The following SNUPN variants were observed in gnomAD, a reference collection of about 807,000 sequenced individuals.
The protein encoded by SNUPN is snurportin 1.
SNUPN carries 31 observed loss-of-function variants against 39.2 expected under a neutral mutation model. That is an observed-to-expected ratio of 0.79 (90% confidence interval 0.59 to 1.07). SNUPN has a LOEUF of 1.07. SNUPN is among the 50% of genes least tolerant of loss of function. The probability of loss-of-function intolerance (pLI) is 0.00; values close to 1 mark genes in which losing one functional copy is unlikely to be tolerated. For synonymous variants in SNUPN, 132 were observed against 159.0 expected, an observed-to-expected ratio of 0.83 and a Z score of 1.28; for missense variants, 382 against 434.2, an observed-to-expected ratio of 0.88 and a Z score of 1.07.
intron 1 of SNUPN, chr15:75,625,284 C>T (rs1265125735): frequency 6.8e-6 from 1 of 147,998 alleles, no homozygotes; most frequent in Admixed American, 6.8e-5. Context: ...ATCCGGCGCC[C>T]CCGCCTCGCG....
At chr15:75,603,912 T>C (rs1278689363) in intron 7 of SNUPN, among the ~76,000 whole-genome samples, 1 of 152,160 alleles carries the variant, frequency 6.6e-6, no homozygotes, top group Non-Finnish European at 1.5e-5. Context: ...CTGCCAATCA[T>C]TTAACCTCCA....
In SNUPN at chr15:75,598,439, A is replaced by C; in HGVS notation, c.1002T>G (p.Tyr334Ter). 1 of 1,614,226 alleles carries C rather than the reference A, an allele frequency of 6.2e-7. No homozygotes were observed. The highest frequency in any genetic ancestry group is 8.5e-7 in the Non-Finnish European group (1 of 1,180,046). Residue 334 changes from tyrosine to a stop codon, truncating the protein, a stop_gained, in exon 9 of 9, where the codon TAT (tyrosine) becomes TAG (stop). Coordinates refer to ENST00000308588, the MANE Select transcript of SNUPN (RefSeq NM_005701.4). LOFTEE classifies it low-confidence loss of function (END_TRUNC). ...TGGGAGTAGACAGGTGCTCCAATTC[A>C]TAGTGCCCATTCTCAGAGGCCTTGT... ...LTHKASENGH[Y>*]ELEHLSTPKL...
intron 1 of SNUPN, among the ~76,000 whole-genome samples, chr15:75,622,820 A>C (rs1893105976): frequency 6.6e-6 from 1 of 152,132 alleles, no homozygotes; most frequent in Non-Finnish European, 1.5e-5. Flanking sequence ...GAAACATTAG[A>C]TTTTGTTTAA....
chr15:75,619,367 C>A (rs972732635), intron 2 of SNUPN, among the ~76,000 whole-genome samples: 1 of 151,804 alleles, frequency 6.6e-6, no homozygotes, highest in Non-Finnish European at 1.5e-5. Context: ...AAGGGCCAGG[C>A]GTAGTGGCTG....
intron 5 of SNUPN, among the ~76,000 whole-genome samples, chr15:75,609,222 G>A (rs1386801773): frequency 5.9e-5 from 7 of 118,118 alleles, no homozygotes; most frequent in South Asian, 2.6e-4. Context: ...TCGCTCTGTC[G>A]CCCAGGCCGG....
intron 8 of SNUPN, 162 bp downstream of exon 8, chr15:75,600,976 A>C (rs1197543884): frequency 6.7e-6 from 4 of 600,258 alleles, no homozygotes; most frequent in Non-Finnish European, 1.2e-5. Flanking sequence ...GGTGGAGCTC[A>C]GGCTCTGAAG....
chr15:75,621,178 A>G (rs1289942872), intron 1 of SNUPN, 122 bp from the exon 2 acceptor site: 9 of 883,270 alleles, frequency 1.0e-5, no homozygotes, highest in Non-Finnish European at 1.4e-5. Context: ...ATGCAAAATC[A>G]CAAGTGTTTC....
At chr15:75,607,083 A>G (rs1413471395) in intron 6 of SNUPN, 133 bp downstream of exon 6, 2 of 711,626 alleles carry the variant, frequency 2.8e-6, no homozygotes, top group Admixed American at 3.9e-5. Context: ...AGGGAGCATT[A>G]GATAATGTTC....
chr15:75,614,753 A>T (rs1892882470), intron 3 of SNUPN, among the ~76,000 whole-genome samples: 1 of 152,214 alleles, frequency 6.6e-6, no homozygotes, highest in Admixed American at 6.6e-5. Flanking sequence ...AAATAGGCAA[A>T]TTGTATGGTA....
At chr15:75,602,666 CA>C (rs1042177951) in intron 7 of SNUPN, among the ~76,000 whole-genome samples, 1 of 151,832 alleles carries the variant, frequency 6.6e-6, no homozygotes, top group African/African-American at 2.4e-5. Context: ...AGTGCAGTGG[CA>C]CAATCACAGC....
intron 1 of SNUPN, chr15:75,624,679 A>C (rs971489617): frequency 3.4e-6 from 4 of 1,189,296 alleles, no homozygotes; most frequent in African/African-American, 1.6e-5. Context: ...AAAAAAAGAA[A>C]AACTGATGTC....
chr15:75,610,865 A>G (rs545377743), intron 3 of SNUPN, among the ~76,000 whole-genome samples: 2 of 152,288 alleles, frequency 1.3e-5, no homozygotes, highest in African/African-American at 4.8e-5. Context: ...AGTCTCTTCC[A>G]TCTGTAAAGA....
At chr15:75,612,446 G>A (rs1315071992) in intron 3 of SNUPN, among the ~76,000 whole-genome samples, 2 of 152,060 alleles carry the variant, frequency 1.3e-5, no homozygotes, top group Admixed American at 6.6e-5. Flanking sequence ...GCACTACTCT[G>A]TTTTTCCCTC....
intron 5 of SNUPN, among the ~76,000 whole-genome samples, chr15:75,608,191 G>A (rs1430326072): frequency 2.0e-5 from 3 of 152,100 alleles, no homozygotes; most frequent in Non-Finnish European, 4.4e-5. Flanking sequence ...AGACCAGCCT[G>A]GGCAACATGG....
intron 8 of SNUPN, among the ~76,000 whole-genome samples, chr15:75,599,988 G>C (rs2075272625): frequency 6.6e-6 from 1 of 152,066 alleles, no homozygotes; most frequent in African/African-American, 2.4e-5. Context: ...TGGGACTACA[G>C]GCGTGTGCCA....
At chr15:75,599,370 C>T (rs1595980312) in intron 8 of SNUPN, among the ~76,000 whole-genome samples, 2 of 152,266 alleles carry the variant, frequency 1.3e-5, no homozygotes, top group Admixed American at 1.3e-4. Context: ...GGTCTTCTGT[C>T]CCCAGATTCC....
rs1197465429 is a variant in SNUPN, at chr15:75,617,566, A to G, written c.159-14T>C. Reference sequence around the variant, plus strand: ...TCCAGCCGCTTGCTGGAAGGAAAAAAAAGGCATAAGGACATATCTTTTCTT... The same window carrying G: ...TCCAGCCGCTTGCTGGAAGGAAAAAGAAGGCATAAGGACATATCTTTTCTT... On this transcript the variant is annotated splice_polypyrimidine_tract_variant and intron_variant, in intron 2 of 8. Transcript: ENST00000308588. 1 of 1,604,772 alleles carries G rather than the reference A, an allele frequency of 6.2e-7. No homozygotes were observed. The highest frequency in any genetic ancestry group is 1.8e-5 in the Admixed American group (1 of 57,110).
upstream of SNUPN, chr15:75,625,866 T>C (rs908200785): frequency 6.6e-6 from 1 of 152,464 alleles, no homozygotes; most frequent in African/African-American, 2.4e-5. Context: ...ATTTCCGCCT[T>C]CAACGGCTGG....
intron 1 of SNUPN, among the ~76,000 whole-genome samples, chr15:75,622,680 T>C (rs903493930): frequency 6.6e-6 from 1 of 152,234 alleles, no homozygotes; most frequent in Non-Finnish European, 1.5e-5. Flanking sequence ...CCAGGTCCAG[T>C]GCTCTGAGCA....
Sources: gnomAD v4.1 joint callset for allele counts (sites outside exome capture counted in the v4.1 genomes callset) on GRCh38, gnomAD v4.1.1 for gene constraint, MANE v1.5 for transcripts, NCBI Gene and HGNC (gene_info 2026-07-23, HGNC 2026-07-21) for gene names.